ZNF264: variants seen among roughly 807,000 people sequenced by gnomAD.
The protein encoded by ZNF264 is zinc finger protein 264.
In ZNF264, 11 loss-of-function variants were observed where a neutral mutation model predicts 11.2. The observed-to-expected ratio is 0.98, with a 90% CI of 0.62 to 1.63. The LOEUF (loss-of-function observed/expected upper bound fraction) is 1.63. Among genes scored for constraint, ZNF264 ranks in the 40% most tolerant of loss-of-function variants. The probability of loss-of-function intolerance (pLI) is 0.00; values close to 1 mark genes in which losing one functional copy is unlikely to be tolerated. For missense variants in ZNF264, 752 were observed against 768.1 expected, an observed-to-expected ratio of 0.98 and a Z score of 0.25; for synonymous variants, 309 against 279.8, an observed-to-expected ratio of 1.10 and a Z score of -1.04.
rs78525853 is a variant in ZNF264, at chr19:57,220,592, G to A, written c.*7611G>A. On this transcript the variant is annotated 3_prime_UTR_variant, in exon 4 of 4. Coordinates refer to ENST00000263095, the MANE Select transcript of ZNF264 (RefSeq NM_003417.5). The stretch of plus-strand genomic sequence containing the variant: ...TTTTTAGTAGACCCTCCATATATGT[G>A]TGTGTTTTGGTGAATGGCCACACAC... 0.084 allele frequency: 12,816 copies of A among 151,958 alleles called. 654 individuals carry two copies. The highest frequency in any genetic ancestry group is 0.15 in the East Asian group (764 of 5,158). 9.4% of individuals were successfully genotyped at this position (151,958 alleles called of 1,614,324 possible). A position where few individuals can be genotyped will look rare whatever the true frequency, so the allele number is the denominator to read the frequency against.
intron 3 of ZNF264, among the ~76,000 whole-genome samples, chr19:57,210,078 G>T (rs183810772): frequency 6.6e-6 from 1 of 152,168 alleles, no homozygotes; most frequent in Non-Finnish European, 1.5e-5. Flanking sequence ...ACCCAGCTCG[G>T]AATCATGGGA....
chr19:57,194,697 G>T (rs563064168), intron 2 of ZNF264: 20 of 397,180 alleles, frequency 5.0e-5, no homozygotes, highest in African/African-American at 3.7e-4. Context: ...TGATTAGATG[G>T]TGCCCACCCA....
At chr19:57,211,099 CT>C (rs1241443500) in intron 3 of ZNF264, among the ~76,000 whole-genome samples, 1 of 152,130 alleles carries the variant, frequency 6.6e-6, no homozygotes, top group East Asian at 1.9e-4. Context: ...CAGGTCCAAT[CT>C]GTAATTGTGA....
intron 2 of ZNF264, among the ~76,000 whole-genome samples, chr19:57,196,551 T>C (rs1368106166): frequency 6.6e-6 from 1 of 151,900 alleles, no homozygotes; most frequent in Non-Finnish European, 1.5e-5. Flanking sequence ...TGGAAGTCCA[T>C]GTTGCTGAGC....
rs1454637952 is a variant in ZNF264 at position 57,191,560 on chromosome 19, G to A, written c.-354G>A. 3.7e-6 allele frequency: 1 copy of A among 267,508 alleles called. No homozygotes were observed. Among genetic ancestry groups the A allele is most frequent in the Non-Finnish European group, 7.0e-6 (1 of 143,166 alleles). 16.6% of individuals were successfully genotyped at this position (267,508 alleles called of 1,614,324 possible). A position where few individuals can be genotyped will look rare whatever the true frequency, so the allele number is the denominator to read the frequency against. ...GCCACTGAGGGCCCCGGTCGGGGCC[G>A]CTTTGCAGGTCCCTAGTCAGGACCG... On this transcript the variant is annotated 5_prime_UTR_variant, in exon 1 of 4. Coordinates refer to ENST00000263095, the MANE Select transcript of ZNF264 (RefSeq NM_003417.5).
At position 57,212,437 on chromosome 19, in the gene ZNF264, G is replaced by A. The variant is rs202199872; in HGVS notation, c.1340G>A (p.Arg447Lys). 6.2e-5 allele frequency: 100 copies of A among 1,613,896 alleles called. No individual in the cohort carries two copies. The Middle Eastern group carries it at 1.3e-3, about 21-fold the overall frequency. The part of the protein sequence containing the change: ...THCSTFILHK[R>K]AHTGEKPFEC... Reference sequence around the variant, plus strand: ...TGCTCTACTTTTATCTTGCATAAAAGGGCCCACACTGGAGAAAAGCCTTTC... The same window carrying A: ...TGCTCTACTTTTATCTTGCATAAAAAGGCCCACACTGGAGAAAAGCCTTTC... Residue 447 changes from arginine to lysine, a missense_variant, in exon 4 of 4, where the codon AGG (arginine) becomes AAG (lysine). Arg to Lys is a conservative substitution (Grantham distance 26). Coordinates refer to ENST00000263095, the MANE Select transcript of ZNF264 (RefSeq NM_003417.5).
chr19:57,205,376 A>G, intron 2 of ZNF264, 21 bp from the exon 3 acceptor site: 3 of 1,594,874 alleles, frequency 1.9e-6, no homozygotes, highest in Non-Finnish European at 2.6e-6. Context: ...CCATGTGTCC[A>G]CTTGCTTTCT....
rs1300021950 is a variant in ZNF264 at position 57,219,585 on chromosome 19, T to C, written c.*6604T>C. ...AGAACTTTGTGCTGCTGACCACCAC[T>C]CTGAACCAAAACTTCTTTCTTGGTT... On this transcript the variant is annotated 3_prime_UTR_variant, in exon 4 of 4. Transcript: ENST00000263095. The C allele has an allele frequency of 1.3e-5, 2 of 152,264 alleles. No homozygotes were observed. The highest frequency in any genetic ancestry group is 4.8e-5 in the African/African-American group (2 of 41,466). The allele number at this position is 152,264 out of a possible 1,614,324, so 9.4% of individuals were successfully genotyped here. A position where few individuals can be genotyped will look rare whatever the true frequency, so the allele number is the denominator to read the frequency against.
At chr19:57,197,713 C>T (rs1047674306) in intron 2 of ZNF264, among the ~76,000 whole-genome samples, 1 of 151,882 alleles carries the variant, frequency 6.6e-6, no homozygotes. Context: ...ACCAAATAGG[C>T]CCACTAGGCA....
Position 57,215,401 on chromosome 19 carries a change from T to A in ZNF264, c.*2420T>A, listed in dbSNP as rs2087372873. On this transcript the variant is annotated 3_prime_UTR_variant, in exon 4 of 4. Coordinates refer to ENST00000263095, the MANE Select transcript of ZNF264 (RefSeq NM_003417.5). ...AATATTTAAAATGTGCATACTCATTTTATGATTGAGTCTTCTTAGACATTT... is the reference window on the plus strand; with the variant it reads ...AATATTTAAAATGTGCATACTCATTATATGATTGAGTCTTCTTAGACATTT... The A allele has an allele frequency of 6.6e-6, 1 of 152,222 alleles. No individual in the cohort carries two copies. The highest frequency in any genetic ancestry group is 2.1e-4 in the South Asian group (1 of 4,836). 9.4% of individuals were successfully genotyped at this position (152,222 alleles called of 1,614,324 possible).
At chr19:57,209,230 G>T (rs181345130) in intron 3 of ZNF264, among the ~76,000 whole-genome samples, 1 of 152,090 alleles carries the variant, frequency 6.6e-6, no homozygotes, top group Admixed American at 6.5e-5. Flanking sequence ...TATAAAAAAT[G>T]TTGGTTTACC....
At chr19:57,192,358 G>A (rs917653953) in intron 1 of ZNF264, 2 of 985,186 alleles carry the variant, frequency 2.0e-6, no homozygotes, top group African/African-American at 1.7e-5. Flanking sequence ...GTTTTCCTGC[G>A]GCCGCTGAGA....
In ZNF264 at chr19:57,199,477, C is replaced by T. The variant is rs547196569; in HGVS notation, c.160+5476C>T. Reference sequence around the variant, plus strand: ...CATTCCCAGCTCACCCATGATGGGCCATCTTTTAATCCATATTTCAGCTAG... The same window carrying T: ...CATTCCCAGCTCACCCATGATGGGCTATCTTTTAATCCATATTTCAGCTAG... On this transcript the variant is annotated intron_variant, in intron 2 of 3. Transcript: ENST00000263095. Among the ~76,000 whole-genome samples, 58 of 151,938 alleles carry T rather than the reference C, an allele frequency of 3.8e-4. No homozygotes were observed. In the South Asian group the frequency reaches 0.011, roughly 28 times the overall value.
Position 57,220,189 on chromosome 19 carries a change from G to C in ZNF264, c.*7208G>C, listed in dbSNP as rs1196135932. 2 of 152,154 alleles carry C rather than the reference G, an allele frequency of 1.3e-5. No individual in the cohort carries two copies. Among genetic ancestry groups the C allele is most frequent in the African/African-American group, 4.8e-5 (2 of 41,424 alleles). 9.4% of individuals were successfully genotyped at this position (152,154 alleles called of 1,614,324 possible). ...AACCACTTTATTGCTTCTCATGTTG[G>C]GGGGTTTGTTTTCTGGTCACTATTT... is the stretch of plus-strand genomic sequence containing the variant. On this transcript the variant is annotated 3_prime_UTR_variant, in exon 4 of 4. Coordinates refer to ENST00000263095, the MANE Select transcript of ZNF264 (RefSeq NM_003417.5).
At chr19:57,207,209 C>T (rs2087299174) in intron 3 of ZNF264, among the ~76,000 whole-genome samples, 3 of 152,122 alleles carry the variant, frequency 2.0e-5, no homozygotes, top group Non-Finnish European at 1.5e-5. Flanking sequence ...TCAGACAAGT[C>T]AACCCCTCCA....
rs911110096 is a variant in ZNF264, at chr19:57,219,002, A to G, written c.*6021A>G. ...CAGTCTTCTGAGTTGTGCTACACCA[A>G]TATTTCTATGAACAGATCTTACAAC... On this transcript the variant is annotated 3_prime_UTR_variant, in exon 4 of 4. Coordinates refer to ENST00000263095, the MANE Select transcript of ZNF264 (RefSeq NM_003417.5). The G allele has an allele frequency of 1.3e-5, 2 of 152,142 alleles. No homozygotes were observed. Among genetic ancestry groups the G allele is most frequent in the South Asian group, 2.1e-4 (1 of 4,822 alleles). The allele number at this position is 152,142 out of a possible 1,614,324, so 9.4% of individuals were successfully genotyped here.
At chr19:57,200,476 C>G (rs1035328412) in intron 2 of ZNF264, among the ~76,000 whole-genome samples, 3 of 150,438 alleles carry the variant, frequency 2.0e-5, no homozygotes, top group Admixed American at 6.6e-5. Flanking sequence ...CCACTCAGTA[C>G]CCTGTTTTAC....
intron 3 of ZNF264, among the ~76,000 whole-genome samples, chr19:57,205,717 A>C: frequency 6.6e-6 from 1 of 152,222 alleles, no homozygotes. Context: ...GCCTGGGAAG[A>C]AGTGAGATTT....
chr19:57,206,218 T>G (rs2122754923), intron 3 of ZNF264, among the ~76,000 whole-genome samples: 1 of 152,236 alleles, frequency 6.6e-6, no homozygotes, highest in Middle Eastern at 3.4e-3. Flanking sequence ...TCCACTACAT[T>G]GAGTCTGTTC....
Sources: gnomAD v4.1 joint callset for allele counts (sites outside exome capture counted in the v4.1 genomes callset) on GRCh38, gnomAD v4.1.1 for gene constraint, MANE v1.5 for transcripts, NCBI Gene and HGNC (gene_info 2026-07-23, HGNC 2026-07-21) for gene names.